The following RIC8B variants were observed in gnomAD, a reference collection of about 807,000 sequenced individuals.
RIC8B encodes chaperone Ric-8B.
RIC8B carries 16 observed loss-of-function variants against 57.5 expected under a neutral mutation model. That is an observed-to-expected ratio of 0.28 (90% CI 0.19 to 0.42). The LOEUF is 0.42. Ranked by LOEUF, RIC8B falls within the 10% of genes least tolerant of loss-of-function variation. The pLI, the probability that RIC8B is intolerant of heterozygous loss-of-function variation, is 1.00. For missense variants in RIC8B, 481 were observed against 677.0 expected (o/e 0.71, Z 3.21); for synonymous variants, 216 against 250.8 (o/e 0.86, Z 1.31).
At chr12:106,818,430 C>T (rs2045684938) in intron 3 of RIC8B, among the ~76,000 whole-genome samples, 1 of 152,012 alleles carries the variant, frequency 6.6e-6, no homozygotes, top group Admixed American at 6.5e-5. Flanking sequence ...TCCCAAAGTG[C>T]TAGGATTACA....
chr12:106,851,408 A>G (rs1409123050), intron 6 of RIC8B, 42 bp from the exon 7 acceptor site: 16 of 1,589,842 alleles, frequency 1.0e-5, no homozygotes, highest in Non-Finnish European at 1.3e-5. Context: ...CACTCACTCT[A>G]GTAGCCTCGA....
At chr12:106,870,529 A>G (rs550817070) in intron 8 of RIC8B, among the ~76,000 whole-genome samples, 2 of 152,210 alleles carry the variant, frequency 1.3e-5, no homozygotes, top group African/African-American at 4.8e-5. Flanking sequence ...CGGATATCCT[A>G]ACGGCACTAA....
At chr12:106,846,178 C>T (rs542811453) in intron 6 of RIC8B, among the ~76,000 whole-genome samples, 3 of 152,226 alleles carry the variant, frequency 2.0e-5, no homozygotes, top group East Asian at 3.9e-4. Flanking sequence ...AGTGAACTGC[C>T]GACTCATCTC....
intron 1 of RIC8B, 80 bp downstream of exon 1, chr12:106,774,909 C>G (rs570437264): frequency 9.6e-7 from 1 of 1,044,638 alleles, no homozygotes; most frequent in African/African-American, 1.6e-5. Context: ...CCTTCCCCAC[C>G]CCCCTCATTC....
chr12:106,874,626 C>T, intron 9 of RIC8B: 1 of 1,273,476 alleles, frequency 7.9e-7, no homozygotes. Flanking sequence ...TTATTCACTA[C>T]CAAAATTGTA....
intron 1 of RIC8B, among the ~76,000 whole-genome samples, chr12:106,783,181 C>T (rs1038884463): frequency 2.1e-4 from 32 of 152,154 alleles, no homozygotes; most frequent in African/African-American, 7.5e-4. Flanking sequence ...TAATCATTGG[C>T]ATCATCATCA....
intron 3 of RIC8B, among the ~76,000 whole-genome samples, chr12:106,818,640 G>A (rs1417150347): frequency 6.6e-6 from 1 of 152,044 alleles, no homozygotes; most frequent in Non-Finnish European, 1.5e-5. Context: ...TTAAGACGTG[G>A]GTCTTGCTAT....
chr12:106,861,373 T>C (rs1488033524), intron 8 of RIC8B, among the ~76,000 whole-genome samples: 2 of 152,038 alleles, frequency 1.3e-5, no homozygotes, highest in African/African-American at 4.8e-5. Context: ...GACATGCAAG[T>C]AATGGGTTGT....
rs1027725632 is a variant in RIC8B at position 106,776,979 on chromosome 12, TC to T, written c.84+2153del. Among the ~76,000 whole-genome samples, 8 of 152,130 alleles carry T rather than the reference TC, an allele frequency of 5.3e-5. 1 individual carries two copies. The highest frequency in any genetic ancestry group is 5.2e-4 in the Admixed American group (8 of 15,268). Reference sequence around the variant, plus strand: ...TCCATCTCCTCCCCCCCACCGACCCTCCCAAGTAGCTGAGACTACAGGTGCG... The same window carrying T: ...TCCATCTCCTCCCCCCCACCGACCCTCCAAGTAGCTGAGACTACAGGTGCG... On this transcript the variant is annotated intron_variant, in intron 1 of 9. Coordinates refer to ENST00000392837, the MANE Select transcript of RIC8B (RefSeq NM_001330145.2).
intron 2 of RIC8B, among the ~76,000 whole-genome samples, chr12:106,791,552 A>G (rs1321552448): frequency 2.0e-5 from 3 of 152,206 alleles, no homozygotes; most frequent in Non-Finnish European, 4.4e-5. Flanking sequence ...GGAGTGAAAT[A>G]TATATAAACA....
intron 2 of RIC8B, among the ~76,000 whole-genome samples, chr12:106,787,508 G>A (rs573716653): frequency 4.6e-5 from 7 of 152,206 alleles, no homozygotes; most frequent in Middle Eastern, 6.8e-3. Context: ...CCCTATATTC[G>A]TTTTCACACT....
chr12:106,823,842 T>C (rs1488104031), intron 3 of RIC8B, among the ~76,000 whole-genome samples: 1 of 152,022 alleles, frequency 6.6e-6, no homozygotes, highest in Non-Finnish European at 1.5e-5. Context: ...TGCACCACCA[T>C]GCCCAGCTAA....
chr12:106,876,460 G>C (rs1566177678), intron 9 of RIC8B, among the ~76,000 whole-genome samples: 1 of 152,040 alleles, frequency 6.6e-6, no homozygotes, highest in African/African-American at 2.4e-5. Context: ...AGACAGTGCT[G>C]TTCTACCTCA....
chr12:106,851,520 G>A lies in RIC8B; in HGVS notation c.1232G>A (p.Arg411His), dbSNP rs1473870799. The change falls in exon 7 of 10, where the codon CGC becomes CAC. Residue 411 changes from arginine to histidine, a missense_variant. Physicochemically the swap from Arg to His is conservative, Grantham distance 29 (BLOSUM62 0). Around this residue, in one of 3 missense-constraint regions of RIC8B, gnomAD observed 421 missense variants for 560.9 expected, o/e 0.75. Coordinates refer to ENST00000392837, the MANE Select transcript of RIC8B (RefSeq NM_001330145.2). ...VGSTVRNKLV[R>H]LMTHVDLGVK... The stretch of plus-strand genomic sequence containing the variant: ...TCAACTGTGAGAAATAAGCTGGTGC[G>A]CCTCATGACACATGTTGACCTTGGA... 6 of 1,613,428 alleles carry A rather than the reference G, an allele frequency of 3.7e-6. No homozygotes were observed. The highest frequency in any genetic ancestry group is 2.2e-5 in the East Asian group (1 of 44,854).
At chr12:106,796,579 A>G (rs2057733212) in intron 2 of RIC8B, among the ~76,000 whole-genome samples, 4 of 152,244 alleles carry the variant, frequency 2.6e-5, no homozygotes, top group African/African-American at 7.2e-5. Flanking sequence ...CATTAAAGTC[A>G]TAAAATTCTT....
chr12:106,876,094 A>G (rs1391599655), intron 9 of RIC8B, among the ~76,000 whole-genome samples: 2 of 152,158 alleles, frequency 1.3e-5, no homozygotes, highest in South Asian at 2.1e-4. Context: ...TGTAAGATCT[A>G]TTATAGATAT....
In RIC8B at chr12:106,888,329, CAGAA is replaced by C. The variant is rs1272042112; in HGVS notation, c.*2318_*2321del. 6.6e-6 allele frequency: 1 copy of C among 152,230 alleles called. No homozygotes were observed. The highest frequency in any genetic ancestry group is 1.5e-5 in the Non-Finnish European group (1 of 68,040). 9.4% of individuals were successfully genotyped at this position (152,230 alleles called of 1,614,324 possible). A position where few individuals can be genotyped will look rare whatever the true frequency, so the allele number is the denominator to read the frequency against. ...GATGAGAGTGTCTTCATCTGGCACA[CAGAA>C]AGAGAACTAATATCTGTTAAGTGCT... On this transcript the variant is annotated 3_prime_UTR_variant, in exon 10 of 10. Transcript: ENST00000392837.
At chr12:106,832,629 T>C (rs1462969319) in intron 4 of RIC8B, among the ~76,000 whole-genome samples, 2 of 152,132 alleles carry the variant, frequency 1.3e-5, no homozygotes, top group Non-Finnish European at 2.9e-5. Context: ...TCTGCCATTA[T>C]ATACCCAACA....
chr12:106,799,989 T>G (rs1427571269), intron 2 of RIC8B, among the ~76,000 whole-genome samples: 1 of 152,126 alleles, frequency 6.6e-6, no homozygotes, highest in Non-Finnish European at 1.5e-5. Flanking sequence ...TTCGAAGCCT[T>G]TTCTCCTAGC....
Sources: allele counts gnomAD v4.1 joint callset (sites outside exome capture counted in the v4.1 genomes callset), GRCh38; gene constraint gnomAD v4.1.1; regional missense constraint gnomAD v4.1.1; transcripts MANE v1.5; gene names NCBI Gene and HGNC (gene_info 2026-07-23, HGNC 2026-07-21).